Variants in H4C4 observed in about 807,000 individuals in gnomAD.
The protein encoded by H4C4 is H4 clustered histone 4, also known as histone H4.
In H4C4, 8 loss-of-function variants were observed where a neutral mutation model predicts 4.4. The observed-to-expected ratio is 1.81, with a 90% CI of 1.06 to 3.27. The LOEUF is 3.27. Among genes scored for constraint, H4C4 ranks in the 30% most tolerant of loss-of-function variants. The pLI, the probability that H4C4 is intolerant of heterozygous loss-of-function variation, is 0.00. For synonymous variants in H4C4, 130 were observed against 59.4 expected (o/e 2.19, Z -5.46); for missense variants, 223 against 148.9 (o/e 1.50, Z -2.59).
In H4C4 at chr6:26,189,020, G is replaced by T; in HGVS notation, c.57C>A (p.His19Gln). The T allele has an allele frequency of 6.2e-7, 1 of 1,612,332 alleles. No homozygotes were observed. Among genetic ancestry groups the T allele is most frequent in the Non-Finnish European group, 8.5e-7 (1 of 1,178,692 alleles). The change falls in exon 1 of 1, where the codon CAC becomes CAA. Residue 19 changes from histidine to glutamine, a missense_variant. By Grantham distance (24) the His-to-Gln change is conservative. Transcript: ENST00000614247. ...KGLGKGGAKR[H>Q]RKVLRDNIQG... ...GGATATTGTCACGCAATACCTTACG[G>T]TGACGCTTGGCGCCACCCTTACCTA...
Position 26,188,876 on chromosome 6 carries a change from G to A in H4C4, c.201C>T (p.Ile67=), listed in dbSNP as rs139439104. 1.6e-4 allele frequency: 260 copies of A among 1,614,220 alleles called. No homozygotes were observed. Among genetic ancestry groups the A allele is most frequent in the Admixed American group, 4.7e-4 (28 of 60,022 alleles). The change falls in exon 1 of 1, where the codon ATC becomes ATT. Residue 67 remains isoleucine, a synonymous_variant. Transcript: ENST00000614247. ...GVLKVFLENV[I]RDAVTYTEHA... ...GTTCCGTGTAGGTGACAGCATCGCG[G>A]ATTACATTTTCCAGGAAAACTTTCA...
rs142303259 is a variant in H4C4 at position 26,189,050 on chromosome 6, C to T, written c.27G>A (p.Lys9=). The change falls in exon 1 of 1, where the codon AAG becomes AAA. Residue 9 remains lysine, a synonymous_variant. Transcript: ENST00000614247. MSGRGKGG[K]GLGKGGAKRH... The stretch of plus-strand genomic sequence containing the variant: ...GCTTGGCGCCACCCTTACCTAGACC[C>T]TTTCCGCCCTTACCGCGGCCAGACA... 2.2e-5 allele frequency: 35 copies of T among 1,592,960 alleles called. No homozygotes were observed. The highest frequency in any genetic ancestry group is 8.9e-5 in the South Asian group (8 of 90,230).
Position 26,188,938 on chromosome 6 carries a change from T to C in H4C4, c.139A>G (p.Ile47Val). The C allele has an allele frequency of 1.2e-6, 2 of 1,614,158 alleles. No homozygotes were observed. Among genetic ancestry groups the C allele is most frequent in the Non-Finnish European group, 1.7e-6 (2 of 1,180,018 alleles). The change falls in exon 1 of 1, where the codon ATT becomes GTT. Residue 47 changes from isoleucine (I) to valine (V), a missense_variant. Coordinates refer to ENST00000614247, the MANE Select transcript of H4C4 (RefSeq NM_003539.4). Reference sequence around the variant, plus strand: ...GTTTCCTCATAAATGAGGCCAGAAATACGCTTGACGCCGCCGCGGCGAGCC... The same window carrying C: ...GTTTCCTCATAAATGAGGCCAGAAACACGCTTGACGCCGCCGCGGCGAGCC... Reference protein sequence around the residue: ...RLARRGGVKRISGLIYEETRG... With the variant: ...RLARRGGVKRVSGLIYEETRG...
chr6:26,189,046 G>T lies in H4C4; in HGVS notation c.31C>A (p.Leu11Ile). 1 of 1,601,490 alleles carries T rather than the reference G, an allele frequency of 6.2e-7. No individual in the cohort carries two copies. Among genetic ancestry groups the T allele is most frequent in the Non-Finnish European group, 8.5e-7 (1 of 1,171,234 alleles). MSGRGKGGKG[L>I]GKGGAKRHRK... is the part of the protein sequence containing the mutation. Reference sequence around the variant, plus strand: ...TGACGCTTGGCGCCACCCTTACCTAGACCCTTTCCGCCCTTACCGCGGCCA... The same window carrying T: ...TGACGCTTGGCGCCACCCTTACCTATACCCTTTCCGCCCTTACCGCGGCCA... The change falls in exon 1 of 1, where the codon CTA (leucine) becomes ATA (isoleucine). Residue 11 changes from leucine to isoleucine, a missense_variant. Physicochemically the swap from Leu to Ile is conservative, Grantham distance 5 (BLOSUM62 2). Transcript: ENST00000614247.
At position 26,188,942 on chromosome 6, in the gene H4C4, C is replaced by T. The variant is rs371511135; in HGVS notation, c.135G>A (p.Lys45=). 6.8e-5 allele frequency: 110 copies of T among 1,614,114 alleles called. No individual in the cohort carries two copies. The highest frequency in any genetic ancestry group is 8.3e-5 in the Non-Finnish European group (98 of 1,180,034). The part of the protein sequence containing the change: ...IRRLARRGGV[K]RISGLIYEET... ...CCTCATAAATGAGGCCAGAAATACG[C>T]TTGACGCCGCCGCGGCGAGCCAGGC... Residue 45 remains lysine, a synonymous_variant, in exon 1 of 1, where the codon AAG becomes AAA. Coordinates refer to ENST00000614247, the MANE Select transcript of H4C4 (RefSeq NM_003539.4).
chr6:26,188,899 T>C lies in H4C4; in HGVS notation c.178A>G (p.Lys60Glu). ...CGGATTACATTTTCCAGGAAAACTT[T>C]CAGCACTCCGCGAGTTTCCTCATAA... ...LIYEETRGVLKVFLENVIRDA... is the reference protein window; with the variant it reads ...LIYEETRGVLEVFLENVIRDA... The change falls in exon 1 of 1, where the codon AAA becomes GAA. Residue 60 changes from lysine to glutamate, a missense_variant. Lys to Glu is a moderately conservative substitution (Grantham distance 56). Coordinates refer to ENST00000614247, the MANE Select transcript of H4C4 (RefSeq NM_003539.4). 2 of 1,614,204 alleles carry C rather than the reference T, an allele frequency of 1.2e-6. No individual in the cohort carries two copies. Among genetic ancestry groups the C allele is most frequent in the Non-Finnish European group, 1.7e-6 (2 of 1,180,036 alleles).
rs199624269 is a variant in H4C4 at position 26,189,068 on chromosome 6, G to C, written c.9C>G (p.Gly3=). The C allele has an allele frequency of 1.3e-6, 2 of 1,584,582 alleles. No homozygotes were observed. Among genetic ancestry groups the C allele is most frequent in the Non-Finnish European group, 1.7e-6 (2 of 1,163,042 alleles). The stretch of plus-strand genomic sequence containing the variant: ...CTAGACCCTTTCCGCCCTTACCGCG[G>C]CCAGACATCTTGAAACCACAGCTGT... The part of the protein sequence containing the change: MS[G]RGKGGKGLGK... Residue 3 remains glycine, a synonymous_variant, in exon 1 of 1, where the codon GGC becomes GGG. Transcript: ENST00000614247.
rs768397391 is a variant in H4C4, at chr6:26,188,869, C to G, written c.208G>C (p.Ala70Pro). 6.2e-7 allele frequency: 1 copy of G among 1,614,244 alleles called. No individual in the cohort carries two copies. Among genetic ancestry groups the G allele is most frequent in the Non-Finnish European group, 8.5e-7 (1 of 1,180,044 alleles). Residue 70 changes from alanine (A) to proline (P), a missense_variant, in exon 1 of 1, where the codon GCT becomes CCT. By Grantham distance (27) the Ala-to-Pro change is conservative. Coordinates refer to ENST00000614247, the MANE Select transcript of H4C4 (RefSeq NM_003539.4). Reference sequence around the variant, plus strand: ...TTGGCGTGTTCCGTGTAGGTGACAGCATCGCGGATTACATTTTCCAGGAAA... The same window carrying G: ...TTGGCGTGTTCCGTGTAGGTGACAGGATCGCGGATTACATTTTCCAGGAAA... ...KVFLENVIRD[A>P]VTYTEHAKRK...
At position 26,189,053 on chromosome 6, in the gene H4C4, T is replaced by TCCGCCCTTA. The variant is rs1561977798; in HGVS notation, c.15_23dup (p.Gly8_Gly10dup). 1.3e-6 allele frequency: 2 copies of TCCGCCCTTA among 1,592,894 alleles called. No homozygotes were observed. Among genetic ancestry groups the TCCGCCCTTA allele is most frequent in the Admixed American group, 1.8e-5 (1 of 57,044 alleles). On this transcript the variant is annotated inframe_insertion, in exon 1 of 1. Transcript: ENST00000614247. The stretch of plus-strand genomic sequence containing the variant: ...TGGCGCCACCCTTACCTAGACCCTT[T>TCCGCCCTTA]CCGCCCTTACCGCGGCCAGACATCT...
At position 26,188,764 on chromosome 6, in the gene H4C4, C is replaced by A. The variant is rs376927129; in HGVS notation, c.*1G>T. On this transcript the variant is annotated 3_prime_UTR_variant, in exon 1 of 1. Coordinates refer to ENST00000614247, the MANE Select transcript of H4C4 (RefSeq NM_003539.4). ...TGCGGTAGTGTACTGTAGAGGTAAG[C>A]TCAGCCGCCGAAGCCATAAAGAGTG... The A allele has an allele frequency of 1.2e-6, 2 of 1,614,090 alleles. No individual in the cohort carries two copies. The highest frequency in any genetic ancestry group is 2.2e-5 in the East Asian group (1 of 44,886).
chr6:26,188,758 G>A lies in H4C4; in HGVS notation c.*7C>T, dbSNP rs1375443095. 6.8e-6 allele frequency: 11 copies of A among 1,613,926 alleles called. No homozygotes were observed. In the Admixed American group the frequency reaches 1.3e-4, roughly 20 times the overall value. ...TGGTTTTGCGGTAGTGTACTGTAGAGGTAAGCTCAGCCGCCGAAGCCATAA... is the reference window on the plus strand; with the variant it reads ...TGGTTTTGCGGTAGTGTACTGTAGAAGTAAGCTCAGCCGCCGAAGCCATAA... On this transcript the variant is annotated 3_prime_UTR_variant, in exon 1 of 1. Coordinates refer to ENST00000614247, the MANE Select transcript of H4C4 (RefSeq NM_003539.4).
chr6:26,189,072 G>C lies in H4C4; in HGVS notation c.5C>G (p.Ser2Cys), dbSNP rs201613383. ...ACCCTTTCCGCCCTTACCGCGGCCA[G>C]ACATCTTGAAACCACAGCTGTTAAA... M[S>C]GRGKGGKGLG... The change falls in exon 1 of 1, where the codon TCT (serine) becomes TGT (cysteine). Residue 2 changes from serine (S) to cysteine (C), a missense_variant. By Grantham distance (112) the Ser-to-Cys change is moderately radical (BLOSUM62 -1). Coordinates refer to ENST00000614247, the MANE Select transcript of H4C4 (RefSeq NM_003539.4). The C allele has an allele frequency of 2.5e-6, 4 of 1,582,798 alleles. No individual in the cohort carries two copies. The highest frequency in any genetic ancestry group is 1.8e-5 in the Admixed American group (1 of 55,282).
chr6:26,189,090 CTGTTAAA>C lies in H4C4; in HGVS notation c.-21_-15del. On this transcript the variant is annotated 5_prime_UTR_variant, in exon 1 of 1. Coordinates refer to ENST00000614247, the MANE Select transcript of H4C4 (RefSeq NM_003539.4). Reference sequence around the variant, plus strand: ...GCGGCCAGACATCTTGAAACCACAGCTGTTAAATCTGTAACGCAATACGTCTGGCAGA... The same window carrying C: ...GCGGCCAGACATCTTGAAACCACAGCTCTGTAACGCAATACGTCTGGCAGA... 6.4e-7 allele frequency: 1 copy of C among 1,562,798 alleles called. No homozygotes were observed. Among genetic ancestry groups the C allele is most frequent in the Non-Finnish European group, 8.7e-7 (1 of 1,153,600 alleles).
rs1764831784 is a variant in H4C4, at chr6:26,188,884, T to C, written c.193A>G (p.Asn65Asp). The C allele has an allele frequency of 6.2e-7, 1 of 1,614,226 alleles. No homozygotes were observed. The highest frequency in any genetic ancestry group is 1.6e-4 in the Middle Eastern group (1 of 6,062). ...TAGGTGACAGCATCGCGGATTACATTTTCCAGGAAAACTTTCAGCACTCCG... is the reference window on the plus strand; with the variant it reads ...TAGGTGACAGCATCGCGGATTACATCTTCCAGGAAAACTTTCAGCACTCCG... ...TRGVLKVFLE[N>D]VIRDAVTYTE... is the part of the protein sequence containing the mutation. Residue 65 changes from asparagine to aspartate, a missense_variant, in exon 1 of 1, where the codon AAT (asparagine) becomes GAT (aspartate). By Grantham distance (23) the Asn-to-Asp change is conservative. Coordinates refer to ENST00000614247, the MANE Select transcript of H4C4 (RefSeq NM_003539.4).
Position 26,188,882 on chromosome 6 carries a change from A to C in H4C4, c.195T>G (p.Asn65Lys). 2 of 1,614,150 alleles carry C rather than the reference A, an allele frequency of 1.2e-6. No homozygotes were observed. The highest frequency in any genetic ancestry group is 1.7e-6 in the Non-Finnish European group (2 of 1,180,014). ...TRGVLKVFLE[N>K]VIRDAVTYTE... is the part of the protein sequence containing the mutation. ...TGTAGGTGACAGCATCGCGGATTAC[A>C]TTTTCCAGGAAAACTTTCAGCACTC... is the stretch of plus-strand genomic sequence containing the variant. The change falls in exon 1 of 1, where the codon AAT (asparagine) becomes AAG (lysine). Residue 65 changes from asparagine (N) to lysine (K), a missense_variant. Asn to Lys is a moderately conservative substitution (Grantham distance 94, BLOSUM62 0). Coordinates refer to ENST00000614247, the MANE Select transcript of H4C4 (RefSeq NM_003539.4).
chr6:26,188,762 A>C lies in H4C4; in HGVS notation c.*3T>G. ...TTTGCGGTAGTGTACTGTAGAGGTA[A>C]GCTCAGCCGCCGAAGCCATAAAGAG... On this transcript the variant is annotated 3_prime_UTR_variant, in exon 1 of 1. Transcript: ENST00000614247. The C allele has an allele frequency of 6.2e-7, 1 of 1,614,114 alleles. No homozygotes were observed. Among genetic ancestry groups the C allele is most frequent in the Non-Finnish European group, 8.5e-7 (1 of 1,179,990 alleles).
chr6:26,189,097 A>C lies in H4C4; in HGVS notation c.-21T>G. 6.4e-7 allele frequency: 1 copy of C among 1,558,314 alleles called. No individual in the cohort carries two copies. Among genetic ancestry groups the C allele is most frequent in the Non-Finnish European group, 8.7e-7 (1 of 1,151,082 alleles). On this transcript the variant is annotated 5_prime_UTR_variant, in exon 1 of 1. Transcript: ENST00000614247. ...GACATCTTGAAACCACAGCTGTTAA[A>C]TCTGTAACGCAATACGTCTGGCAGA...
chr6:26,188,812 A>AC lies in H4C4; in HGVS notation c.264dup (p.Tyr89ValfsTer?). The AC allele has an allele frequency of 6.2e-7, 1 of 1,614,246 alleles. No homozygotes were observed. Among genetic ancestry groups the AC allele is most frequent in the Non-Finnish European group, 8.5e-7 (1 of 1,180,046 alleles). On this transcript the variant is annotated frameshift_variant, in exon 1 of 1. Coordinates refer to ENST00000614247, the MANE Select transcript of H4C4 (RefSeq NM_003539.4). LOFTEE classifies it high-confidence loss of function. ...GTGCGTCCCTGGCGCTTGAGCGCGT[A>AC]CACCACGTCCATGGCTGTGACTGTC...
In H4C4 at chr6:26,189,031, C is replaced by A. The variant is rs1328616104; in HGVS notation, c.46G>T (p.Ala16Ser). Reference protein sequence around the residue: ...KGGKGLGKGGAKRHRKVLRDN... With the variant: ...KGGKGLGKGGSKRHRKVLRDN... ...CGCAATACCTTACGGTGACGCTTGGCGCCACCCTTACCTAGACCCTTTCCG... is the reference window on the plus strand; with the variant it reads ...CGCAATACCTTACGGTGACGCTTGGAGCCACCCTTACCTAGACCCTTTCCG... Residue 16 changes from alanine to serine, a missense_variant, in exon 1 of 1, where the codon GCC (alanine) becomes TCC (serine). Transcript: ENST00000614247. 6.2e-7 allele frequency: 1 copy of A among 1,610,718 alleles called. No individual in the cohort carries two copies. The highest frequency in any genetic ancestry group is 8.5e-7 in the Non-Finnish European group (1 of 1,177,582).
Sources: gnomAD v4.1 joint callset for allele counts on GRCh38, gnomAD v4.1.1 for gene constraint, MANE v1.5 for transcripts, NCBI Gene and HGNC (gene_info 2026-07-23, HGNC 2026-07-21) for gene names.